Variants in SRPK2 observed in about 807,000 individuals in gnomAD.
The protein encoded by SRPK2 is SFRS protein kinase 2.
SRPK2 carries 21 observed loss-of-function variants against 90.8 expected under a neutral mutation model. The ratio of observed to expected loss-of-function variants is 0.23; its 90% confidence interval spans 0.16 to 0.33. The LOEUF (loss-of-function observed/expected upper bound fraction) is 0.33. SRPK2 is among the 10% of genes least tolerant of loss of function. The pLI is 1.00. For missense variants in SRPK2, 620 were observed against 869.0 expected (o/e 0.71, Z 3.60); for synonymous variants, 288 against 311.1 (o/e 0.93, Z 0.78).
At chr7:105,190,887 T>C (rs1018478240) in intron 3 of SRPK2, among the ~76,000 whole-genome samples, 1 of 152,238 alleles carries the variant, frequency 6.6e-6, no homozygotes, top group Non-Finnish European at 1.5e-5. Flanking sequence ...CTTCACTGTT[T>C]CTACTAATAA....
chr7:105,191,422 TCAGCCA>T (rs1794265282), intron 3 of SRPK2, among the ~76,000 whole-genome samples: 1 of 152,036 alleles, frequency 6.6e-6, no homozygotes, highest in African/African-American at 2.4e-5. Context: ...AATTTAAACA[TCAGCCA>T]GGCATGGTGA....
At chr7:105,371,623 G>A (rs1482075489) in intron 2 of SRPK2, among the ~76,000 whole-genome samples, 1 of 149,892 alleles carries the variant, frequency 6.7e-6, no homozygotes, top group Non-Finnish European at 1.5e-5. Flanking sequence ...AGGTATGGTA[G>A]GTAGTGCATG....
In SRPK2 at chr7:105,350,258, A is replaced by T. The variant is rs771062867; in HGVS notation, c.71+38390T>A. The stretch of plus-strand genomic sequence containing the variant: ...GTAATTCTCCAGCCTCAGCCACCCG[A>T]GTAGCTGGGATTATAGGCACATGCC... On this transcript the variant is annotated intron_variant, in intron 2 of 15. Coordinates refer to ENST00000393651, the MANE Select transcript of SRPK2 (RefSeq NM_182692.3). 1.7e-4 allele frequency among the ~76,000 whole-genome samples: 23 copies of T among 134,074 alleles called. 3 individuals are homozygous for T. The highest frequency in any genetic ancestry group is 2.9e-4 in the Non-Finnish European group (17 of 58,516). The allele number at this position is 134,074 out of a possible 152,430, so 88.0% of individuals were successfully genotyped here. A position where few individuals can be genotyped will look rare whatever the true frequency, so the allele number is the denominator to read the frequency against.
At chr7:105,160,784 A>C (rs1339846242) in intron 6 of SRPK2, among the ~76,000 whole-genome samples, 171 bp from the exon 7 acceptor site, 1 of 152,190 alleles carries the variant, frequency 6.6e-6, no homozygotes, top group Non-Finnish European at 1.5e-5. Flanking sequence ...AAATAACAAG[A>C]ACTGACATTA....
intron 2 of SRPK2, among the ~76,000 whole-genome samples, chr7:105,281,930 A>G (rs1481336571): frequency 1.3e-5 from 2 of 152,176 alleles, no homozygotes; most frequent in African/African-American, 2.4e-5. Context: ...AAAAATTCCA[A>G]CTGCCTTTTT....
Position 105,168,090 on chromosome 7 carries a change from T to C in SRPK2, c.344A>G (p.Lys115Arg), listed in dbSNP as rs764193506. Residue 115 changes from lysine (K) to arginine (R), a missense_variant, in exon 5 of 16, where the codon AAA (lysine) becomes AGA (arginine). Physicochemically the swap from Lys to Arg is conservative, Grantham distance 26 (BLOSUM62 2). This residue lies in a region of SRPK2 where 196 missense variants were observed against 339.2 expected (regional missense o/e 0.58). Coordinates refer to ENST00000393651, the MANE Select transcript of SRPK2 (RefSeq NM_182692.3). The stretch of plus-strand genomic sequence containing the variant: ...TACAACTTTCATTGCAACAAATCTT[T>C]TCCCCCTAAAAGAAAAAACAAAAAA... ...TVWLCWDMQG[K>R]RFVAMKVVKS... 1.2e-6 allele frequency: 2 copies of C among 1,610,556 alleles called. No individual in the cohort carries two copies. The highest frequency in any genetic ancestry group is 2.2e-5 in the South Asian group (2 of 90,238).
chr7:105,214,958 T>C (rs986459640), intron 2 of SRPK2, among the ~76,000 whole-genome samples: 3 of 152,264 alleles, frequency 2.0e-5, no homozygotes, highest in Non-Finnish European at 2.9e-5. Context: ...TACAAAGCTA[T>C]AGTAATCAAG....
At chr7:105,357,067 G>A (rs559356283) in intron 2 of SRPK2, among the ~76,000 whole-genome samples, 146 of 147,780 alleles carry the variant, frequency 9.9e-4, no homozygotes, top group Admixed American at 2.2e-3. Context: ...ACGGAGTCTC[G>A]CTCTGTCGCC....
intron 2 of SRPK2, among the ~76,000 whole-genome samples, chr7:105,238,173 A>C (rs1389293922): frequency 1.3e-5 from 2 of 152,244 alleles, no homozygotes; most frequent in African/African-American, 4.8e-5. Context: ...AATCATTTTC[A>C]CTTCAAGGCA....
intron 2 of SRPK2, among the ~76,000 whole-genome samples, chr7:105,322,036 A>C (rs1351259947): frequency 6.6e-6 from 1 of 152,222 alleles, no homozygotes; most frequent in Non-Finnish European, 1.5e-5. Flanking sequence ...AAAAGTGAAA[A>C]CAACCCAAAT....
intron 2 of SRPK2, among the ~76,000 whole-genome samples, chr7:105,279,464 T>C (rs765881780): frequency 4.6e-5 from 7 of 152,082 alleles, no homozygotes; most frequent in Non-Finnish European, 1.0e-4. Flanking sequence ...AGTGAGTCAT[T>C]CTCTCCAAAA....
intron 2 of SRPK2, among the ~76,000 whole-genome samples, chr7:105,359,243 C>T (rs1036391329): frequency 6.9e-6 from 1 of 144,922 alleles, no homozygotes; most frequent in Non-Finnish European, 1.5e-5. Flanking sequence ...ACTGCAACCT[C>T]TGCCTCCCGG....
At chr7:105,311,528 T>C (rs754608623) in intron 2 of SRPK2, among the ~76,000 whole-genome samples, 11 of 152,172 alleles carry the variant, frequency 7.2e-5, no homozygotes, top group Non-Finnish European at 1.6e-4. Context: ...CCACTCCACC[T>C]GGCCAACAAG....
At chr7:105,387,377 T>G (rs1821729086) in intron 2 of SRPK2, among the ~76,000 whole-genome samples, 1 of 152,212 alleles carries the variant, frequency 6.6e-6, no homozygotes, top group Non-Finnish European at 1.5e-5. Flanking sequence ...AGCACTAATT[T>G]TTTTAAAAGC....
intron 3 of SRPK2, among the ~76,000 whole-genome samples, chr7:105,174,350 G>A (rs1791563719): frequency 6.6e-6 from 1 of 152,072 alleles, no homozygotes; most frequent in Non-Finnish European, 1.5e-5. Context: ...TTCTATTTAT[G>A]GAGTTAACCA....
intron 2 of SRPK2, among the ~76,000 whole-genome samples, chr7:105,385,323 G>A (rs930014448): frequency 1.3e-5 from 2 of 151,322 alleles, no homozygotes; most frequent in South Asian, 4.2e-4. Flanking sequence ...TGAGACTACA[G>A]GCGCCCGCCA....
At chr7:105,144,552 CAT>C (rs1262773774) in intron 9 of SRPK2, among the ~76,000 whole-genome samples, 1 of 151,986 alleles carries the variant, frequency 6.6e-6, no homozygotes, top group Non-Finnish European at 1.5e-5. Context: ...CTAATAAGGA[CAT>C]AGTGTTTTGA....
rs561450408 is a variant in SRPK2, at chr7:105,289,509, G to C, written c.72-85724C>G. Among the ~76,000 whole-genome samples the C allele has an allele frequency of 2.0e-5, 3 of 152,270 alleles. No homozygotes were observed. The South Asian group carries it at 6.2e-4, about 32-fold the overall frequency. ...CTATTAAGTGTGCGGCAGCACTCTG[G>C]GAAGCTGCGGCAGGAGGATCTCTTG... is the stretch of plus-strand genomic sequence containing the variant. On this transcript the variant is annotated intron_variant, in intron 2 of 15. Coordinates refer to ENST00000393651, the MANE Select transcript of SRPK2 (RefSeq NM_182692.3).
chr7:105,342,300 G>T (rs952251629), intron 2 of SRPK2, among the ~76,000 whole-genome samples: 1 of 151,160 alleles, frequency 6.6e-6, no homozygotes, highest in African/African-American at 2.4e-5. Context: ...CTCCAGCCTG[G>T]GCGACAAGAG....
Sources: allele counts gnomAD v4.1 joint callset (sites outside exome capture counted in the v4.1 genomes callset), GRCh38; gene constraint gnomAD v4.1.1; regional missense constraint gnomAD v4.1.1; transcripts MANE v1.5; gene names NCBI Gene and HGNC (gene_info 2026-07-23, HGNC 2026-07-21).